RP1: variants seen among roughly 807,000 people sequenced by gnomAD.
RP1 encodes oxygen-regulated protein 1.
RP1 carries 16 observed loss-of-function variants against 14.8 expected under a neutral mutation model. The observed-to-expected ratio is 1.08, with a 90% CI of 0.73 to 1.65. RP1 has a LOEUF of 1.65. Among genes scored for constraint, RP1 ranks in the 40% most tolerant of loss-of-function variants. RP1 has a pLI of 0.00. For missense variants in RP1, 2,631 were observed against 2,535.0 expected, an observed-to-expected ratio of 1.04 and a Z score of -0.81; for synonymous variants, 876 against 883.6, an observed-to-expected ratio of 0.99 and a Z score of 0.15.
chr8:54,747,655 C>T (rs1809260300), intron 19 of RP1, among the ~76,000 whole-genome samples: 1 of 152,192 alleles, frequency 6.6e-6, no homozygotes, highest in Non-Finnish European at 1.5e-5. Flanking sequence ...AATCCCAGCA[C>T]TTTGGGAGCC....
At chr8:54,679,120 C>A (rs1807364524) in intron 9 of RP1, among the ~76,000 whole-genome samples, 1 of 152,112 alleles carries the variant, frequency 6.6e-6, no homozygotes, top group African/African-American at 2.4e-5. Context: ...TAAATTGATC[C>A]AGTGAATATA....
intron 24 of RP1, among the ~76,000 whole-genome samples, chr8:54,833,625 C>T (rs1811589435): frequency 6.6e-6 from 1 of 152,046 alleles, no homozygotes; most frequent in Non-Finnish European, 1.5e-5. Context: ...AATCACGCAA[C>T]TCCTTCAAAA....
chr8:54,619,101 C>G (rs970616995), intron 1 of RP1, among the ~76,000 whole-genome samples: 1 of 152,188 alleles, frequency 6.6e-6, no homozygotes, highest in Non-Finnish European at 1.5e-5. Flanking sequence ...GACTCCATTG[C>G]GAAGCTGGAT....
intron 1 of RP1, among the ~76,000 whole-genome samples, chr8:54,573,679 A>G (rs1804581522): frequency 6.6e-6 from 1 of 152,206 alleles, no homozygotes; most frequent in South Asian, 2.1e-4. Flanking sequence ...GTGGATCTGC[A>G]GTAACATAAC....
chr8:54,721,274 C>T (rs1016739052), intron 16 of RP1, among the ~76,000 whole-genome samples: 1 of 152,224 alleles, frequency 6.6e-6, no homozygotes, highest in Admixed American at 6.5e-5. Context: ...TCCCTCCACC[C>T]TTCATTTTCC....
intron 17 of RP1, among the ~76,000 whole-genome samples, chr8:54,728,702 C>G (rs891003431): frequency 2.6e-5 from 4 of 152,156 alleles, no homozygotes; most frequent in African/African-American, 9.7e-5. Flanking sequence ...GATATAGTGT[C>G]ATTAAATTTG....
chr8:54,722,631 T>G (rs530046071), intron 16 of RP1, among the ~76,000 whole-genome samples: 1 of 152,180 alleles, frequency 6.6e-6, no homozygotes, highest in Non-Finnish European at 1.5e-5. Context: ...TTGAATTGTT[T>G]ATATTTTAAT....
intron 9 of RP1, among the ~76,000 whole-genome samples, chr8:54,678,972 G>A (rs557442417): frequency 6.6e-6 from 1 of 152,020 alleles, no homozygotes; most frequent in East Asian, 1.9e-4. Flanking sequence ...CAGCAGTGGT[G>A]ATAGATTTGC....
intron 24 of RP1, among the ~76,000 whole-genome samples, chr8:54,791,770 T>G (rs1191698133): frequency 6.6e-6 from 1 of 151,806 alleles, no homozygotes; most frequent in African/African-American, 2.4e-5. Flanking sequence ...AAGTCATCAA[T>G]TACAAAAGAA....
intron 24 of RP1, among the ~76,000 whole-genome samples, chr8:54,827,516 G>T (rs1237181930): frequency 6.6e-6 from 1 of 151,988 alleles, no homozygotes; most frequent in Non-Finnish European, 1.5e-5. Flanking sequence ...TTTTTCTAGA[G>T]ATGGGGTTTA....
At chr8:54,753,556 G>C (rs1241238657) in intron 19 of RP1, among the ~76,000 whole-genome samples, 1 of 152,190 alleles carries the variant, frequency 6.6e-6, no homozygotes, top group East Asian at 1.9e-4. Context: ...TCTAAGCAGA[G>C]CTACGAGTGT....
At chr8:54,597,106 C>T (rs568366466) in intron 1 of RP1, among the ~76,000 whole-genome samples, 9 of 152,208 alleles carry the variant, frequency 5.9e-5, no homozygotes, top group East Asian at 1.9e-4. Flanking sequence ...CTCCTTAGCC[C>T]GGCATTTTCC....
At chr8:54,722,512 C>T (rs551255448) in intron 16 of RP1, among the ~76,000 whole-genome samples, 87 of 152,116 alleles carry the variant, frequency 5.7e-4, no homozygotes, top group African/African-American at 2.0e-3. Context: ...CCTCGTGATC[C>T]GCCCGCCTCG....
chr8:54,622,963 A>G (rs1260823035), intron 3 of RP1, among the ~76,000 whole-genome samples: 1 of 152,162 alleles, frequency 6.6e-6, no homozygotes, highest in East Asian at 1.9e-4. Flanking sequence ...TATACTCAGT[A>G]TTTCCAGGGA....
chr8:54,611,653 T>C (rs539015898), upstream of RP1, among the ~76,000 whole-genome samples: 5 of 152,334 alleles, frequency 3.3e-5, no homozygotes, highest in African/African-American at 1.2e-4. Context: ...TTAAGATAGT[T>C]GTTTTATAGT....
At chr8:54,837,713 A>G in intron 25 of RP1, 1 of 1,084,754 alleles carries the variant, frequency 9.2e-7, no homozygotes, top group Non-Finnish European at 1.2e-6. Context: ...GAAAATTAAA[A>G]TAATTGAGAT....
intron 16 of RP1, among the ~76,000 whole-genome samples, chr8:54,722,805 T>G (rs1038528999): frequency 1.3e-5 from 2 of 152,006 alleles, no homozygotes; most frequent in African/African-American, 4.8e-5. Flanking sequence ...GAATCTAAGT[T>G]TACATCTCAA....
intron 6 of RP1, among the ~76,000 whole-genome samples, chr8:54,662,417 G>A (rs1200489258): frequency 6.6e-6 from 1 of 152,060 alleles, no homozygotes; most frequent in Non-Finnish European, 1.5e-5. Flanking sequence ...CTGTTGTGCT[G>A]TGCACTTCTG....
At chr8:54,768,997 C>T (rs987997237) in intron 22 of RP1, among the ~76,000 whole-genome samples, 5 of 151,538 alleles carry the variant, frequency 3.3e-5, no homozygotes, top group Non-Finnish European at 5.9e-5. Flanking sequence ...CCCAGGTTCA[C>T]GCCTTCTCCT....
Sources: gnomAD v4.1 joint callset for allele counts (sites outside exome capture counted in the v4.1 genomes callset) on GRCh38, gnomAD v4.1.1 for gene constraint, MANE v1.5 for transcripts, NCBI Gene and HGNC (gene_info 2026-07-23, HGNC 2026-07-21) for gene names.